Variants in PAPOLA observed in about 807,000 individuals in gnomAD.
PAPOLA encodes poly(A) polymerase alpha, also known as polynucleotide adenylyltransferase alpha.
A neutral mutation model predicts 100.6 loss-of-function variants in PAPOLA; 15 were observed. The observed-to-expected ratio is 0.15, with a 90% confidence interval of 0.10 to 0.23. PAPOLA has a LOEUF of 0.23. Among genes scored for constraint, PAPOLA ranks in the 10% least tolerant of loss-of-function variants. PAPOLA has a pLI of 1.00. For synonymous variants in PAPOLA, 293 were observed against 300.0 expected (o/e 0.98, Z 0.24); for missense variants, 533 against 884.2 (o/e 0.60, Z 5.04).
chr14:96,562,762 TTCTTTTATTC>T, intron 20 of PAPOLA, 47 bp from the exon 21 acceptor site: 2 of 1,049,704 alleles, frequency 1.9e-6, no homozygotes, highest in Middle Eastern at 2.1e-4. Context: ...CCCAGTTATG[TTCTTTTATTC>T]TTTTTTAAGT....
chr14:96,525,293 A>G lies in PAPOLA; in HGVS notation c.250-17A>G, dbSNP rs1898366822. On this transcript the variant is annotated splice_polypyrimidine_tract_variant and intron_variant, in intron 3 of 21. Coordinates refer to ENST00000216277, the MANE Select transcript of PAPOLA (RefSeq NM_032632.5). ...CTTGTGCTCCACTGGCAAAATAACC[A>G]TTTTTTGTTTCAACAGAATCTTCCA... 2.3e-6 allele frequency: 3 copies of G among 1,281,744 alleles called. No individual in the cohort carries two copies. Among genetic ancestry groups the G allele is most frequent in the Non-Finnish European group, 3.4e-6 (3 of 885,320 alleles). The allele number at this position is 1,281,744 out of a possible 1,614,324, so 79.4% of individuals were successfully genotyped here.
chr14:96,531,478 G>T lies in PAPOLA; in HGVS notation c.499G>T (p.Asp167Tyr). 6.3e-7 allele frequency: 1 copy of T among 1,599,826 alleles called. No homozygotes were observed. The highest frequency in any genetic ancestry group is 1.1e-5 in the South Asian group (1 of 88,810). ...IKLCFDGIEI[D>Y]ILFARLALQT... ...TGTTGTTTTGTTTGTGTTTCAGATT[G>T]ATATTTTGTTTGCAAGATTAGCACT... The change falls in exon 7 of 22, where the codon GAT becomes TAT. Residue 167 changes from aspartate (D) to tyrosine (Y), a missense_variant. Asp to Tyr is a radical substitution (Grantham distance 160). Around this residue, in one of 9 missense-constraint regions of PAPOLA, gnomAD observed 33 missense variants for 39.2 expected, o/e 0.84. Coordinates refer to ENST00000216277, the MANE Select transcript of PAPOLA (RefSeq NM_032632.5).
intron 2 of PAPOLA, among the ~76,000 whole-genome samples, chr14:96,520,649 C>T (rs574997541): frequency 6.6e-6 from 1 of 152,110 alleles, no homozygotes; most frequent in African/African-American, 2.4e-5. Context: ...CGTGAGCCAC[C>T]GTACCTGGCT....
At chr14:96,552,887 T>C (rs1466720811) in intron 17 of PAPOLA, 5 of 400,548 alleles carry the variant, frequency 1.2e-5, no homozygotes, top group Non-Finnish European at 1.4e-5. Flanking sequence ...CAAATTCATG[T>C]ATTTAGATAG....
At chr14:96,520,419 A>T (rs1293979610) in intron 2 of PAPOLA, among the ~76,000 whole-genome samples, 191 bp downstream of exon 2, 1 of 152,194 alleles carries the variant, frequency 6.6e-6, no homozygotes, top group Non-Finnish European at 1.5e-5. Flanking sequence ...CTCGTTACCC[A>T]GGCTGGAGTG....
In PAPOLA at chr14:96,519,332, G is replaced by A. The variant is rs181591165; in HGVS notation, c.9-723G>A. Among the ~76,000 whole-genome samples the A allele has an allele frequency of 2.6e-5, 4 of 152,178 alleles. No individual in the cohort carries two copies. The East Asian group carries it at 7.7e-4, about 29-fold the overall frequency. On this transcript the variant is annotated intron_variant, in intron 1 of 21. Coordinates refer to ENST00000216277, the MANE Select transcript of PAPOLA (RefSeq NM_032632.5). ...GGTTTTGTATGTTATTCAACTGTTAGTTTAAAATTATTATGTTGACTTCTT... is the reference window on the plus strand; with the variant it reads ...GGTTTTGTATGTTATTCAACTGTTAATTTAAAATTATTATGTTGACTTCTT...
intron 1 of PAPOLA, among the ~76,000 whole-genome samples, chr14:96,516,498 C>G (rs1033880945): frequency 6.6e-6 from 1 of 152,002 alleles, no homozygotes; most frequent in Non-Finnish European, 1.5e-5. Flanking sequence ...GCCACCAAGC[C>G]CAGCTAATTT....
intron 10 of PAPOLA, chr14:96,535,026 A>C (rs1595532163): frequency 1.0e-6 from 1 of 979,384 alleles, no homozygotes; most frequent in Non-Finnish European, 1.2e-6. Flanking sequence ...TTGTAAAAAA[A>C]ATTGGTTTAG....
At chr14:96,536,021 C>A in intron 11 of PAPOLA, 22 bp downstream of exon 11, 2 of 1,547,266 alleles carry the variant, frequency 1.3e-6, no homozygotes, top group Admixed American at 1.9e-5. Flanking sequence ...TCCTTATGCT[C>A]TGATTTATAC....
chr14:96,534,374 T>G (rs1329703780), intron 9 of PAPOLA, 117 bp from the exon 10 acceptor site: 6 of 1,508,548 alleles, frequency 4.0e-6, no homozygotes, highest in Non-Finnish European at 5.3e-6. Flanking sequence ...AAACGTTGTA[T>G]GTACCAAGAA....
intron 1 of PAPOLA, among the ~76,000 whole-genome samples, chr14:96,510,293 C>T (rs1173856432): frequency 6.6e-6 from 1 of 152,138 alleles, no homozygotes; most frequent in Admixed American, 6.5e-5. Flanking sequence ...ATAATCTTGA[C>T]TATTTTCTGA....
At chr14:96,523,699 CT>C (rs1173979943) in intron 3 of PAPOLA, among the ~76,000 whole-genome samples, 1 of 152,214 alleles carries the variant, frequency 6.6e-6, no homozygotes, top group African/African-American at 2.4e-5. Context: ...TAATCCAACA[CT>C]TTGGGAGGCC....
chr14:96,531,878 A>G (rs1162274298), intron 7 of PAPOLA: 3 of 1,367,308 alleles, frequency 2.2e-6, no homozygotes, highest in Non-Finnish European at 2.8e-6. Flanking sequence ...GGCCTAACCC[A>G]AATTAATTTT....
chr14:96,506,039 G>A (rs529916444), intron 1 of PAPOLA, among the ~76,000 whole-genome samples: 2 of 152,212 alleles, frequency 1.3e-5, no homozygotes, highest in South Asian at 4.2e-4. Context: ...AAGTATCTGG[G>A]ACTACAGGTG....
intron 9 of PAPOLA, 93 bp from the exon 10 acceptor site, chr14:96,534,398 A>C: frequency 6.5e-7 from 1 of 1,546,486 alleles, no homozygotes; most frequent in South Asian, 1.3e-5. Flanking sequence ...AGAATGAAGA[A>C]GGATCACGTT....
Position 96,565,095 on chromosome 14 carries a change from G to A in PAPOLA, c.*45G>A, listed in dbSNP as rs367646992. The stretch of plus-strand genomic sequence containing the variant: ...TAAACAATATCTGCCAACTCAACCT[G>A]TTGTCTTCAAATGCTAAAAAAGGAG... On this transcript the variant is annotated 3_prime_UTR_variant, in exon 22 of 22. Transcript: ENST00000216277. 66 of 972,456 alleles carry A rather than the reference G, an allele frequency of 6.8e-5. No homozygotes were observed. The African/African-American group carries it at 9.9e-4, about 15-fold the overall frequency. The allele number at this position is 972,456 out of a possible 1,614,324, so 60.2% of individuals were successfully genotyped here. A position where few individuals can be genotyped will look rare whatever the true frequency, so the allele number is the denominator to read the frequency against.
intron 19 of PAPOLA, among the ~76,000 whole-genome samples, chr14:96,559,581 C>CTCTCTCTCTCTCTATATATATA (rs370979875): frequency 1.7e-5 from 2 of 120,182 alleles, no homozygotes; most frequent in African/African-American, 6.7e-5. Flanking sequence ...CTCTCTCTCT[C>CTCTCTCTCTCTCTATATATATA]TATATATATA....
At chr14:96,510,255 A>C (rs139622394) in intron 1 of PAPOLA, among the ~76,000 whole-genome samples, 1 of 152,294 alleles carries the variant, frequency 6.6e-6, no homozygotes, top group East Asian at 1.9e-4. Flanking sequence ...ATTTCCTGAA[A>C]TTAGTGTCTG....
At chr14:96,518,549 A>G (rs888515228) in intron 1 of PAPOLA, among the ~76,000 whole-genome samples, 1 of 151,474 alleles carries the variant, frequency 6.6e-6, no homozygotes, top group African/African-American at 2.4e-5. Context: ...AGCTGGGACT[A>G]CAGGCGCCCG....
Sources: allele counts gnomAD v4.1 joint callset (sites outside exome capture counted in the v4.1 genomes callset), GRCh38; gene constraint gnomAD v4.1.1; regional missense constraint gnomAD v4.1.1; transcripts MANE v1.5; gene names NCBI Gene and HGNC (gene_info 2026-07-23, HGNC 2026-07-21).